Variants in EVC observed in about 807,000 individuals in gnomAD.
The protein encoded by EVC is evC complex member EVC.
Under a neutral mutation model 118.9 loss-of-function variants are expected in EVC, and 116 were observed. That is an observed-to-expected ratio of 0.98 (90% CI 0.84 to 1.14). The LOEUF is 1.14. EVC is among the 50% of genes most tolerant of loss of function. The pLI, the probability that EVC is intolerant of heterozygous loss-of-function variation, is 0.00. For synonymous variants in EVC, 619 were observed against 534.7 expected (o/e 1.16, Z -2.18); for missense variants, 1,401 against 1,246.4 (o/e 1.12, Z -1.87).
chr4:5,725,176 A>G (rs1174239313), intron 2 of EVC, among the ~76,000 whole-genome samples: 1 of 152,156 alleles, frequency 6.6e-6, no homozygotes, highest in Non-Finnish European at 1.5e-5. Flanking sequence ...GAATAGTGCA[A>G]TGAACATACA....
intron 8 of EVC, among the ~76,000 whole-genome samples, chr4:5,748,805 C>T (rs1370434487): frequency 4.2e-5 from 3 of 71,008 alleles, no homozygotes; most frequent in East Asian, 8.4e-4. Flanking sequence ...TCCATCCATC[C>T]GTCTATCCAA....
At chr4:5,736,487 T>G (rs1035985921) in intron 5 of EVC, among the ~76,000 whole-genome samples, 10 of 150,408 alleles carry the variant, frequency 6.6e-5, no homozygotes, top group African/African-American at 2.2e-4. Context: ...TTCACTTAAT[T>G]GCGCTTCAGA....
At chr4:5,721,522 G>A (rs1045173111) in intron 2 of EVC, among the ~76,000 whole-genome samples, 2 of 151,166 alleles carry the variant, frequency 1.3e-5, no homozygotes, top group Non-Finnish European at 2.9e-5. Context: ...GGAGGGATGG[G>A]GTGACAGTGA....
chr4:5,740,310 A>G (rs1728323888), intron 5 of EVC, among the ~76,000 whole-genome samples: 1 of 151,968 alleles, frequency 6.6e-6, no homozygotes, highest in Non-Finnish European at 1.5e-5. Flanking sequence ...GTCTCTACTA[A>G]AAATACAAAA....
chr4:5,748,611 TCCACCCAC>T (rs1379477560), intron 8 of EVC, among the ~76,000 whole-genome samples: 1 of 122,598 alleles, frequency 8.2e-6, no homozygotes, highest in Non-Finnish European at 1.7e-5. Context: ...CACCCATCCA[TCCACCCAC>T]CCATCCATCC....
rs1714354083 is a variant in EVC, at chr4:5,798,337, G to A, written c.2098-249G>A. ...AGCAAGGCCCCCCATCTTGTGAGGG[G>A]CCATAGATGGTACTGGGCACGCAGT... On this transcript the variant is annotated intron_variant, in intron 14 of 20. Coordinates refer to ENST00000264956, the MANE Select transcript of EVC (RefSeq NM_153717.3). The surrounding 1 kb of genome is among the most constrained non-coding windows in gnomAD (Gnocchi z 4.1). 6.6e-6 allele frequency among the ~76,000 whole-genome samples: 1 copy of A among 152,216 alleles called. No individual in the cohort carries two copies. Among genetic ancestry groups the A allele is most frequent in the Non-Finnish European group, 1.5e-5 (1 of 68,038 alleles).
intron 1 of EVC, among the ~76,000 whole-genome samples, chr4:5,711,972 A>G (rs901969111): frequency 6.6e-6 from 1 of 152,158 alleles, no homozygotes; most frequent in Admixed American, 6.5e-5. Flanking sequence ...GCCTGGCCTG[A>G]GTCCCAGCTG....
At chr4:5,817,153 T>C (rs77096010), downstream of EVC, among the ~76,000 whole-genome samples, 197 of 152,324 alleles carry the variant, frequency 1.3e-3, 4 homozygotes, top group East Asian at 0.033. Context: ...CGGAGTGTTC[T>C]TTTTTGCTAT....
At position 5,711,528 on chromosome 4, in the gene EVC, G is replaced by A. The variant is rs1341486053; in HGVS notation, c.148G>A (p.Ala50Thr). 1 of 1,164,408 alleles carries A rather than the reference G, an allele frequency of 8.6e-7. No homozygotes were observed. The highest frequency in any genetic ancestry group is 1.1e-6 in the Non-Finnish European group (1 of 944,854). The allele number at this position is 1,164,408 out of a possible 1,614,324, so 72.1% of individuals were successfully genotyped here. The change falls in exon 1 of 21, where the codon GCG (alanine) becomes ACG (threonine). Residue 50 changes from alanine (A) to threonine (T), a missense_variant. Ala to Thr is a moderately conservative substitution (Grantham distance 58, BLOSUM62 0). Transcript: ENST00000264956. ...LGLGLWLGCR[A>T]GRQRTRHQKD... ...CCTCGGCCTTTGGCTTGGCTGCCGC[G>A]CGGGCCGCCAGCGCACGCGACACCA...
At position 5,759,139 on chromosome 4, in the gene EVC, CT is replaced by C. The variant is rs113008613; in HGVS notation, c.1563+2778del. On this transcript the variant is annotated intron_variant, in intron 11 of 20. Transcript: ENST00000264956. ...ACACACTTGTTCATACGTCACATGT[CT>C]CATTAGCATCTTAAGTCTCCGTCCA... is the stretch of plus-strand genomic sequence containing the variant. Among the ~76,000 whole-genome samples the C allele has an allele frequency of 4.4e-3, 663 of 152,132 alleles. 5 individuals carry two copies. Among genetic ancestry groups the C allele is most frequent in the African/African-American group, 0.015 (616 of 41,488 alleles).
intron 1 of EVC, among the ~76,000 whole-genome samples, chr4:5,713,470 G>T (rs1723382697): frequency 6.6e-6 from 1 of 152,148 alleles, no homozygotes; most frequent in South Asian, 2.1e-4. Flanking sequence ...CTGAGGTCAG[G>T]AGTTCGAGAC....
At chr4:5,786,609 C>T (rs536991909) in intron 12 of EVC, among the ~76,000 whole-genome samples, 2 of 152,292 alleles carry the variant, frequency 1.3e-5, no homozygotes, top group African/African-American at 4.8e-5. Context: ...TGCGGTGGCT[C>T]ACGCCTATAA....
At chr4:5,814,775 G>T (rs549202212), downstream of EVC, among the ~76,000 whole-genome samples, 103 of 149,920 alleles carry the variant, frequency 6.9e-4, no homozygotes, top group African/African-American at 2.4e-3. Context: ...CCCCTCCCCA[G>T]CCCTCTGCCC....
chr4:5,803,036 G>A (rs1024598638), intron 16 of EVC, among the ~76,000 whole-genome samples: 4 of 152,228 alleles, frequency 2.6e-5, no homozygotes, highest in Non-Finnish European at 5.9e-5. Flanking sequence ...TCCAGGGGGT[G>A]TTTGAGACCC....
Position 5,729,310 on chromosome 4 carries a change from T to C in EVC, c.304T>C (p.Cys102Arg). ...CGTTTGTGTCTTTCCCTCCCAGGAA[T>C]GTGAGCCGCCTTCCAACAGCAATAT... is the stretch of plus-strand genomic sequence containing the variant. Reference protein sequence around the residue: ...MSKDKEAVDECEPPSNSNITA... With the variant: ...MSKDKEAVDEREPPSNSNITA... The change falls in exon 3 of 21, where the codon TGT (cysteine) becomes CGT (arginine). Residue 102 changes from cysteine (C) to arginine (R), a missense_variant. Cys to Arg is a radical substitution (Grantham distance 180, BLOSUM62 -3). Coordinates refer to ENST00000264956, the MANE Select transcript of EVC (RefSeq NM_153717.3). 6.2e-7 allele frequency: 1 copy of C among 1,614,138 alleles called. No individual in the cohort carries two copies. The highest frequency in any genetic ancestry group is 8.5e-7 in the Non-Finnish European group (1 of 1,180,000).
In EVC at chr4:5,753,865, C is replaced by A; in HGVS notation, c.1396C>A (p.Gln466Lys). The A allele has an allele frequency of 6.2e-7, 1 of 1,614,020 alleles. No individual in the cohort carries two copies. Among genetic ancestry groups the A allele is most frequent in the Non-Finnish European group, 8.5e-7 (1 of 1,180,038 alleles). The change falls in exon 10 of 21, where the codon CAA (glutamine) becomes AAA (lysine). Residue 466 changes from glutamine (Q) to lysine (K), a missense_variant. By Grantham distance (53) the Gln-to-Lys change is moderately conservative. Transcript: ENST00000264956. The stretch of plus-strand genomic sequence containing the variant: ...GGGAACGGCAAAACTCACGCTGGCC[C>A]AAGAGGAGGAACAGAGAAGCTTCCT... ...VEGTAKLTLAQEEEQRSFLAE... is the reference protein window; with the variant it reads ...VEGTAKLTLAKEEEQRSFLAE...
At chr4:5,808,884 A>G (rs56406343) in intron 18 of EVC, among the ~76,000 whole-genome samples, 33,605 of 152,204 alleles carry the variant, frequency 0.22, 4,032 homozygotes, top group African/African-American at 0.31. Context: ...GAATGGAAGC[A>G]TTTAGCAGAG....
In EVC at chr4:5,749,366, C is replaced by G. The variant is rs1730004760; in HGVS notation, c.1098+1060C>G. Among the ~76,000 whole-genome samples the G allele has an allele frequency of 6.6e-6, 1 of 150,554 alleles. No individual in the cohort carries two copies. Among genetic ancestry groups the G allele is most frequent in the Admixed American group, 6.6e-5 (1 of 15,174 alleles). On this transcript the variant is annotated intron_variant, in intron 8 of 20. Transcript: ENST00000264956. This position sits in a 1 kb window ranked among gnomAD's most constrained non-coding sequence, Gnocchi z 4.4. The stretch of plus-strand genomic sequence containing the variant: ...GAAAAAAAAAAAAAAAAAAAGGTCC[C>G]TCCTTATTTTTGTGAAGCCTGCCAA...
At position 5,711,538 on chromosome 4, in the gene EVC, A is replaced by C. The variant is rs2151768482; in HGVS notation, c.158A>C (p.Gln53Pro). The change falls in exon 1 of 21, where the codon CAG (glutamine) becomes CCG (proline). Residue 53 changes from glutamine to proline, a missense_variant. Transcript: ENST00000264956. Reference protein sequence around the residue: ...GLWLGCRAGRQRTRHQKDDTQ... With the variant: ...GLWLGCRAGRPRTRHQKDDTQ... ...TGGCTTGGCTGCCGCGCGGGCCGCCAGCGCACGCGACACCAGGTGGGTCGG... is the reference window on the plus strand; with the variant it reads ...TGGCTTGGCTGCCGCGCGGGCCGCCCGCGCACGCGACACCAGGTGGGTCGG... The C allele has an allele frequency of 6.8e-5, 76 of 1,119,220 alleles. No individual in the cohort carries two copies. The highest frequency in any genetic ancestry group is 2.3e-4 in the East Asian group (5 of 22,030). 69.3% of individuals were successfully genotyped at this position (1,119,220 alleles called of 1,614,324 possible).
Sources: gnomAD v4.1 joint callset for allele counts (sites outside exome capture counted in the v4.1 genomes callset) on GRCh38, gnomAD v4.1.1 for gene constraint, Gnocchi (gnomAD v3.1) non-coding constraint, MANE v1.5 for transcripts, NCBI Gene and HGNC (gene_info 2026-07-23, HGNC 2026-07-21) for gene names.